The following DTWD2 variants were observed in gnomAD, a reference collection of about 807,000 sequenced individuals.
DTWD2 encodes tRNA-uridine aminocarboxypropyltransferase 2.
Under a neutral mutation model 31.8 loss-of-function variants are expected in DTWD2, and 39 were observed. That is an observed-to-expected ratio of 1.22 (90% CI 0.95 to 1.60). DTWD2 has a LOEUF of 1.60. DTWD2 is among the 40% of genes most tolerant of loss of function. DTWD2 has a pLI of 0.00. For missense variants in DTWD2, 515 were observed against 381.5 expected (o/e 1.35, Z -2.92); for synonymous variants, 180 against 142.8 (o/e 1.26, Z -1.86).
chr5:118,925,498 G>C (rs1753790324), intron 4 of DTWD2, among the ~76,000 whole-genome samples: 1 of 152,152 alleles, frequency 6.6e-6, no homozygotes, highest in Admixed American at 6.5e-5. Context: ...ATGATGAAAA[G>C]TGTTAAAACA....
rs113779172 is a variant in DTWD2 at position 118,988,145 on chromosome 5, G to A, written c.218+149C>T. 2.7e-3 allele frequency: 2,569 copies of A among 946,002 alleles called. 51 individuals carry two copies. In the African/African-American group the frequency reaches 0.038, roughly 14 times the overall value. The allele number at this position is 946,002 out of a possible 1,614,324, so 58.6% of individuals were successfully genotyped here. On this transcript the variant is annotated intron_variant, in intron 1 of 5. Coordinates refer to ENST00000510708, the MANE Select transcript of DTWD2 (RefSeq NM_173666.4). ...GGCTTCTTACTAGGTAGCTGTGCCT[G>A]GCATTTCCGAGATTTCCAACGTGCA...
chr5:118,938,946 A>G (rs866603080), intron 3 of DTWD2, among the ~76,000 whole-genome samples: 1 of 151,800 alleles, frequency 6.6e-6, no homozygotes, highest in Non-Finnish European at 1.5e-5. Context: ...TTAAACATAC[A>G]TTACTATGAA....
chr5:118,847,395 T>A, intron 5 of DTWD2, among the ~76,000 whole-genome samples: 1 of 152,138 alleles, frequency 6.6e-6, no homozygotes, highest in Admixed American at 6.6e-5. Context: ...AACTTTTCAA[T>A]AATTAAAAAA....
rs142354348 is a variant in DTWD2 at position 118,952,757 on chromosome 5, T to A, written c.219-8108A>T. ...AACAGCAGTCTTTAACCCATAAATCTGCAATATTTACAATATTATTTTAAG... is the reference window on the plus strand; with the variant it reads ...AACAGCAGTCTTTAACCCATAAATCAGCAATATTTACAATATTATTTTAAG... On this transcript the variant is annotated intron_variant, in intron 1 of 5. Coordinates refer to ENST00000510708, the MANE Select transcript of DTWD2 (RefSeq NM_173666.4). 4.3e-3 allele frequency among the ~76,000 whole-genome samples: 654 copies of A among 152,332 alleles called. 6 individuals are homozygous for A. The highest frequency in any genetic ancestry group is 0.015 in the African/African-American group (625 of 41,576).
In DTWD2 at chr5:118,839,457, C is replaced by G. The variant is rs1311094605; in HGVS notation, c.*1460G>C. 6.6e-6 allele frequency: 1 copy of G among 152,004 alleles called. No homozygotes were observed. The highest frequency in any genetic ancestry group is 2.1e-4 in the South Asian group (1 of 4,810). The allele number at this position is 152,004 out of a possible 1,614,324, so 9.4% of individuals were successfully genotyped here. A position where few individuals can be genotyped will look rare whatever the true frequency, so the allele number is the denominator to read the frequency against. On this transcript the variant is annotated 3_prime_UTR_variant, in exon 6 of 6. Transcript: ENST00000510708. ...GCAACCTTGATGTCCTGGGCTCCAG[C>G]GATCCTCCCACCTTAGCCTCCCAAG...
Position 118,939,221 on chromosome 5 carries a change from T to A in DTWD2, c.379A>T (p.Ile127Phe). The A allele has an allele frequency of 6.2e-7, 1 of 1,606,500 alleles. No homozygotes were observed. The highest frequency in any genetic ancestry group is 8.5e-7 in the Non-Finnish European group (1 of 1,176,000). ...CLPQDKCKVK[I>F]GRRFSEERDP... ...CTTTCTTCACTGAAGCGACGACCGATCTTCACTTTACACTTGTCCTGGGGG... is the reference window on the plus strand; with the variant it reads ...CTTTCTTCACTGAAGCGACGACCGAACTTCACTTTACACTTGTCCTGGGGG... Residue 127 changes from isoleucine to phenylalanine, a missense_variant, in exon 3 of 6, where the codon ATC becomes TTC. Ile to Phe is a conservative substitution (Grantham distance 21, BLOSUM62 0). Transcript: ENST00000510708.
Position 118,988,545 on chromosome 5 carries a change from C to T in DTWD2, c.-34G>A. 4.1e-6 allele frequency: 6 copies of T among 1,475,270 alleles called. No individual in the cohort carries two copies. Among genetic ancestry groups the T allele is most frequent in the South Asian group, 1.4e-5 (1 of 72,858 alleles). 91.4% of individuals were successfully genotyped at this position (1,475,270 alleles called of 1,614,324 possible). On this transcript the variant is annotated 5_prime_UTR_variant, in exon 1 of 6. Coordinates refer to ENST00000510708, the MANE Select transcript of DTWD2 (RefSeq NM_173666.4). Reference sequence around the variant, plus strand: ...CTCCGGTCAGGCCGTGGCATTGAAGCCCGGCTGCCGCCGGGGGGCGCCACG... The same window carrying T: ...CTCCGGTCAGGCCGTGGCATTGAAGTCCGGCTGCCGCCGGGGGGCGCCACG...
chr5:118,875,414 G>T (rs779017660), intron 4 of DTWD2, among the ~76,000 whole-genome samples: 2 of 151,958 alleles, frequency 1.3e-5, no homozygotes, highest in Non-Finnish European at 2.9e-5. Flanking sequence ...ATGGCAACCT[G>T]TATAAAGAAC....
chr5:118,927,721 G>A (rs1753840179), intron 4 of DTWD2, among the ~76,000 whole-genome samples: 1 of 151,880 alleles, frequency 6.6e-6, no homozygotes, highest in South Asian at 2.1e-4. Flanking sequence ...TTCCTTAGAA[G>A]AGTTTGAAAG....
intron 4 of DTWD2, among the ~76,000 whole-genome samples, chr5:118,923,852 C>A (rs1753755678): frequency 6.6e-6 from 1 of 152,174 alleles, no homozygotes. Context: ...CAGCCTGACT[C>A]TGATAGAAGT....
intron 2 of DTWD2, among the ~76,000 whole-genome samples, chr5:118,944,031 C>G (rs752193042): frequency 1.3e-5 from 2 of 152,210 alleles, no homozygotes; most frequent in Non-Finnish European, 2.9e-5. Context: ...CATATACACA[C>G]TGGCACATAT....
chr5:118,958,743 T>C (rs1269475146), intron 1 of DTWD2, among the ~76,000 whole-genome samples: 1 of 151,948 alleles, frequency 6.6e-6, no homozygotes, highest in Non-Finnish European at 1.5e-5. Context: ...CAAAAACAAA[T>C]TCACTGCAAT....
rs532772564 is a variant in DTWD2, at chr5:118,985,592, A to AATCTC, written c.218+2697_218+2701dup. Among the ~76,000 whole-genome samples, 73 of 150,390 alleles carry AATCTC rather than the reference A, an allele frequency of 4.9e-4. 2 individuals carry two copies. The highest frequency in any genetic ancestry group is 4.2e-3 in the Admixed American group (63 of 15,032). On this transcript the variant is annotated intron_variant, in intron 1 of 5. Transcript: ENST00000510708. ...CTAACAAAATTAAAGACTCTAGTAAAATCTCAGAAGCACTACTTGGTGAAC... is the reference window on the plus strand; with the variant it reads ...CTAACAAAATTAAAGACTCTAGTAAAATCTCATCTCAGAAGCACTACTTGGTGAAC...
intron 4 of DTWD2, among the ~76,000 whole-genome samples, chr5:118,860,899 C>T (rs1450000833): frequency 6.6e-6 from 1 of 152,098 alleles, no homozygotes; most frequent in Non-Finnish European, 1.5e-5. Flanking sequence ...ATATAAGTCG[C>T]AAATTTTTTT....
chr5:118,868,732 A>T (rs1752435645), intron 4 of DTWD2, among the ~76,000 whole-genome samples: 1 of 151,570 alleles, frequency 6.6e-6, no homozygotes, highest in Non-Finnish European at 1.5e-5. Flanking sequence ...CCAGCTACTC[A>T]GGAGACTGAG....
In DTWD2 at chr5:118,973,763, A is replaced by G. The variant is rs1166608937; in HGVS notation, c.218+14531T>C. Reference sequence around the variant, plus strand: ...TCCCTGAACTCTCGCTTTCTTTTTAATCGCCTGCATCGGATCACCGGCGTG... The same window carrying G: ...TCCCTGAACTCTCGCTTTCTTTTTAGTCGCCTGCATCGGATCACCGGCGTG... On this transcript the variant is annotated intron_variant, in intron 1 of 5. Transcript: ENST00000510708. 3.1e-6 allele frequency: 5 copies of G among 1,609,928 alleles called. No homozygotes were observed. The Admixed American group carries it at 8.3e-5, about 27-fold the overall frequency.
chr5:118,939,490 AT>A, intron 2 of DTWD2, among the ~76,000 whole-genome samples, 200 bp from the exon 3 acceptor site: 1 of 152,284 alleles, frequency 6.6e-6, no homozygotes, highest in South Asian at 2.1e-4. Context: ...TTTTTATTCT[AT>A]TTGGGTATGT....
intron 2 of DTWD2, 79 bp downstream of exon 2, chr5:118,944,475 TGGTAA>T (rs1171558700): frequency 3.8e-6 from 5 of 1,315,336 alleles, no homozygotes; most frequent in Non-Finnish European, 4.3e-6. Context: ...GCTAAAGAGC[TGGTAA>T]GGATAAGTAT....
chr5:118,914,183 A>T (rs1450585228), intron 4 of DTWD2, among the ~76,000 whole-genome samples: 1 of 152,178 alleles, frequency 6.6e-6, no homozygotes, highest in African/African-American at 2.4e-5. Flanking sequence ...CAATGTGACA[A>T]TGTTATGAGG....
Sources: gnomAD v4.1 joint callset for allele counts (sites outside exome capture counted in the v4.1 genomes callset) on GRCh38, gnomAD v4.1.1 for gene constraint, MANE v1.5 for transcripts, NCBI Gene and HGNC (gene_info 2026-07-23, HGNC 2026-07-21) for gene names.